Variants in WWOX observed in about 807,000 individuals in gnomAD.
WWOX encodes WW domain-containing oxidoreductase.
Under a neutral mutation model 46.2 loss-of-function variants are expected in WWOX, and 69 were observed. That is an observed-to-expected ratio of 1.49 (90% confidence interval 1.23 to 1.82). WWOX has a LOEUF of 1.82. WWOX is among the 40% of genes most tolerant of loss of function. The pLI is 0.00. For synonymous variants in WWOX, 359 were observed against 202.6 expected, an observed-to-expected ratio of 1.77 and a Z score of -6.56; for missense variants, 919 against 542.6, an observed-to-expected ratio of 1.69 and a Z score of -6.89.
chr16:79,133,415 C>G (rs1461444985), intron 8 of WWOX, among the ~76,000 whole-genome samples: 3 of 152,194 alleles, frequency 2.0e-5, no homozygotes, highest in Non-Finnish European at 4.4e-5. Flanking sequence ...TAAACTATGA[C>G]ACACATTCAT....
chr16:78,270,866 C>T (rs540611858), intron 5 of WWOX, among the ~76,000 whole-genome samples: 4 of 152,250 alleles, frequency 2.6e-5, no homozygotes, highest in South Asian at 4.1e-4. Flanking sequence ...GTGCCAGAGA[C>T]GATACGTGGC....
At chr16:78,613,367 A>T (rs1170812096) in intron 8 of WWOX, among the ~76,000 whole-genome samples, 2 of 152,116 alleles carry the variant, frequency 1.3e-5, no homozygotes, top group Non-Finnish European at 1.5e-5. Flanking sequence ...GCACTTGGTC[A>T]TCTGGACCCT....
intron 8 of WWOX, among the ~76,000 whole-genome samples, chr16:78,734,729 C>A (rs1398873182): frequency 2.0e-5 from 3 of 151,044 alleles, no homozygotes; most frequent in Admixed American, 6.6e-5. Flanking sequence ...GCAGATTGTT[C>A]TCAAGTGCCT....
At chr16:78,697,608 T>G in intron 8 of WWOX, among the ~76,000 whole-genome samples, 1 of 152,306 alleles carries the variant, frequency 6.6e-6, no homozygotes, top group African/African-American at 2.4e-5. Context: ...AATAGACAGT[T>G]CTCAAAAGAA....
At chr16:79,207,357 C>T (rs761835737) in intron 8 of WWOX, among the ~76,000 whole-genome samples, 4 of 152,236 alleles carry the variant, frequency 2.6e-5, no homozygotes, top group Non-Finnish European at 5.9e-5. Flanking sequence ...CAAACCTGCT[C>T]ACTTCAGATC....
intron 8 of WWOX, among the ~76,000 whole-genome samples, chr16:78,631,857 G>T (rs2046439676): frequency 6.6e-6 from 1 of 152,166 alleles, no homozygotes; most frequent in African/African-American, 2.4e-5. Flanking sequence ...TTAGAAGTAG[G>T]AGAAGCTTGC....
At chr16:78,781,684 A>G (rs2050330087) in intron 8 of WWOX, among the ~76,000 whole-genome samples, 1 of 152,154 alleles carries the variant, frequency 6.6e-6, no homozygotes, top group South Asian at 2.1e-4. Flanking sequence ...CTGAAGCAAG[A>G]GAATCGCCTG....
At chr16:78,312,477 A>G (rs1597468464) in intron 5 of WWOX, among the ~76,000 whole-genome samples, 2 of 150,488 alleles carry the variant, frequency 1.3e-5, no homozygotes, top group East Asian at 4.0e-4. Context: ...TCCTGTGTTC[A>G]AGCAGTTCTG....
chr16:79,191,702 C>T (rs1170354357), intron 8 of WWOX, among the ~76,000 whole-genome samples: 2 of 152,146 alleles, frequency 1.3e-5, no homozygotes, highest in South Asian at 2.1e-4. Context: ...AGAATAAATA[C>T]CACCTACCCC....
intron 8 of WWOX, among the ~76,000 whole-genome samples, chr16:78,593,161 C>T (rs943801110): frequency 7.2e-5 from 11 of 152,238 alleles, no homozygotes; most frequent in African/African-American, 2.2e-4. Context: ...CCCTACCTTG[C>T]TCCCCTGGAG....
intron 8 of WWOX, among the ~76,000 whole-genome samples, chr16:78,708,144 C>A (rs1054381965): frequency 4.6e-5 from 7 of 152,102 alleles, no homozygotes; most frequent in Admixed American, 1.3e-4. Context: ...TGAGCTATGA[C>A]TGCACCATTG....
At chr16:78,581,581 G>T (rs2045054523) in intron 8 of WWOX, among the ~76,000 whole-genome samples, 1 of 151,790 alleles carries the variant, frequency 6.6e-6, no homozygotes, top group South Asian at 2.1e-4. Flanking sequence ...CTCTAGGAAT[G>T]TTTTTTTTAA....
intron 5 of WWOX, among the ~76,000 whole-genome samples, chr16:78,371,332 A>T (rs962662542): frequency 2.6e-5 from 4 of 152,318 alleles, no homozygotes; most frequent in East Asian, 1.9e-4. Context: ...ACTGCCTCAC[A>T]GTAAAAAAGT....
chr16:78,815,570 A>C (rs1407168105), intron 8 of WWOX, among the ~76,000 whole-genome samples: 1 of 152,126 alleles, frequency 6.6e-6, no homozygotes, highest in Non-Finnish European at 1.5e-5. Flanking sequence ...TCCTTGCCCA[A>C]TGCGTAAGCT....
At chr16:78,481,067 A>C (rs1196687605) in intron 8 of WWOX, among the ~76,000 whole-genome samples, 1 of 152,172 alleles carries the variant, frequency 6.6e-6, no homozygotes, top group Non-Finnish European at 1.5e-5. Flanking sequence ...GAAAAACAAA[A>C]ATCTAAATTA....
chr16:78,540,177 G>C lies in WWOX; in HGVS notation c.1056+107425G>C, dbSNP rs372147949. On this transcript the variant is annotated intron_variant, in intron 8 of 8. Transcript: ENST00000566780. Reference sequence around the variant, plus strand: ...ATATTCATATATTTAGGTATAGTTAGAAAAAGCAAAATGGTAACAATAGAA... The same window carrying C: ...ATATTCATATATTTAGGTATAGTTACAAAAAGCAAAATGGTAACAATAGAA... Among the ~76,000 whole-genome samples, 4 of 149,626 alleles carry C rather than the reference G, an allele frequency of 2.7e-5. No individual in the cohort carries two copies. In the East Asian group the frequency reaches 5.9e-4, roughly 22 times the overall value.
chr16:78,261,441 G>A (rs1019363678), intron 5 of WWOX, among the ~76,000 whole-genome samples: 16 of 113,486 alleles, frequency 1.4e-4, no homozygotes, highest in African/African-American at 5.4e-4. Flanking sequence ...TAAATATTTT[G>A]TAAAAGGTAT....
chr16:78,377,940 G>A (rs2081868897), intron 5 of WWOX, among the ~76,000 whole-genome samples: 1 of 152,248 alleles, frequency 6.6e-6, no homozygotes, highest in Non-Finnish European at 1.5e-5. Context: ...TGTATGTAAT[G>A]AAGGAAGAGT....
intron 8 of WWOX, among the ~76,000 whole-genome samples, chr16:78,941,936 A>C (rs918181673): frequency 1.4e-4 from 21 of 152,130 alleles, no homozygotes; most frequent in African/African-American, 4.6e-4. Flanking sequence ...TTTTTACTGT[A>C]AACATTGTGC....
Sources: gnomAD v4.1 joint callset for allele counts (sites outside exome capture counted in the v4.1 genomes callset) on GRCh38, gnomAD v4.1.1 for gene constraint, MANE v1.5 for transcripts, NCBI Gene and HGNC (gene_info 2026-07-23, HGNC 2026-07-21) for gene names.